ZC3H13: variants seen among roughly 807,000 people sequenced by gnomAD.
ZC3H13 encodes the protein zinc finger CCCH domain-containing protein 13.
Under a neutral mutation model 204.1 loss-of-function variants are expected in ZC3H13, and 64 were observed. The ratio of observed to expected loss-of-function variants is 0.31; its 90% CI spans 0.26 to 0.39. The LOEUF (loss-of-function observed/expected upper bound fraction) is 0.39, where lower values mean the gene tolerates loss of function less well. Among genes scored for constraint, ZC3H13 ranks in the 10% least tolerant of loss-of-function variants. The pLI is 1.00. For synonymous variants in ZC3H13, 667 were observed against 693.7 expected, an observed-to-expected ratio of 0.96 and a Z score of 0.60; for missense variants, 1,833 against 2,082.7, an observed-to-expected ratio of 0.88 and a Z score of 2.33.
intron 17 of ZC3H13, among the ~76,000 whole-genome samples, chr13:45,961,678 T>A (rs576063055): frequency 6.6e-6 from 1 of 152,020 alleles, no homozygotes; most frequent in South Asian, 2.1e-4. Flanking sequence ...CACCCTGTTG[T>A]AGAAACTGTT....
At chr13:45,986,702 C>T (rs1954227741) in intron 9 of ZC3H13, among the ~76,000 whole-genome samples, 1 of 152,142 alleles carries the variant, frequency 6.6e-6, no homozygotes, top group Admixed American at 6.6e-5. Context: ...AAATTCTGCC[C>T]TTTTTATCAG....
Position 46,042,276 on chromosome 13 carries a change from CT to C in ZC3H13, c.228-2del. Reference sequence around the variant, plus strand: ...ATCCCCTGTAGGTCTTTCTGGTGACCTTTGAACCAAAACACAGAAACAAAAC... The same window carrying C: ...ATCCCCTGTAGGTCTTTCTGGTGACCTTGAACCAAAACACAGAAACAAAAC... On this transcript the variant is annotated splice_acceptor_variant, in intron 3 of 18. Transcript: ENST00000679008. LOFTEE classifies it high-confidence loss of function. The C allele has an allele frequency of 6.2e-7, 1 of 1,606,890 alleles. No homozygotes were observed.
In ZC3H13 at chr13:45,969,012, C is replaced by T; in HGVS notation, c.3532G>A (p.Ala1178Thr). ...VETPHVTIED[A>T]QHRKPMDQKR... ...TGATCCATAGGCTTGCGATGCTGTG[C>T]ATCTTCTATAGTCACGTGAGGCGTC... is the stretch of plus-strand genomic sequence containing the variant. Residue 1178 changes from alanine to threonine, a missense_variant, in exon 14 of 19, where the codon GCA becomes ACA. Ala to Thr is a moderately conservative substitution (Grantham distance 58). Around this residue, in one of 5 missense-constraint regions of ZC3H13, gnomAD observed 1,574 missense variants for 1,757.2 expected, o/e 0.90. Coordinates refer to ENST00000679008, the MANE Select transcript of ZC3H13 (RefSeq NM_001330564.2). 1.9e-6 allele frequency: 3 copies of T among 1,614,206 alleles called. No individual in the cohort carries two copies. Among genetic ancestry groups the T allele is most frequent in the Middle Eastern group, 1.7e-4 (1 of 6,060 alleles).
rs1952493941 is a variant in ZC3H13 at position 45,970,454 on chromosome 13, C to T, written c.2480G>A (p.Arg827Lys). 1 of 1,612,468 alleles carries T rather than the reference C, an allele frequency of 6.2e-7. No homozygotes were observed. Among genetic ancestry groups the T allele is most frequent in the Non-Finnish European group, 8.5e-7 (1 of 1,179,260 alleles). ...TCTAGGGCTGGGACTCCCTTCATTT[C>T]TATAGCGCTTCCTAAATTGGACAAG... ...HDERKSKKRY[R>K]NEGSPSPRQS... Residue 827 changes from arginine to lysine, a missense_variant, in exon 13 of 19, where the codon AGA becomes AAA. By Grantham distance (26) the Arg-to-Lys change is conservative (BLOSUM62 2). Around this residue, in one of 5 missense-constraint regions of ZC3H13, gnomAD observed 1,574 missense variants for 1,757.2 expected, o/e 0.90. Coordinates refer to ENST00000679008, the MANE Select transcript of ZC3H13 (RefSeq NM_001330564.2).
At chr13:45,999,738 T>G (rs1217326025) in intron 8 of ZC3H13, among the ~76,000 whole-genome samples, 1 of 152,228 alleles carries the variant, frequency 6.6e-6, no homozygotes, top group East Asian at 1.9e-4. Flanking sequence ...CAGTAAATCC[T>G]TTCCATAAAG....
At position 45,967,965 on chromosome 13, in the gene ZC3H13, T is replaced by A; in HGVS notation, c.3860A>T (p.His1287Leu). The part of the protein sequence containing the change: ...RSSPESDRQV[H>L]SRSGSFDSRD... ...GCTATCAAATGACCCAGATCTTGAA[T>A]GGACCTGTCGATCTGACTCTGGAGA... Residue 1287 changes from histidine to leucine, a missense_variant, in exon 15 of 19, where the codon CAT becomes CTT. By Grantham distance (99) the His-to-Leu change is moderately conservative (BLOSUM62 -3). Around this residue, in one of 5 missense-constraint regions of ZC3H13, gnomAD observed 1,574 missense variants for 1,757.2 expected, o/e 0.90. Coordinates refer to ENST00000679008, the MANE Select transcript of ZC3H13 (RefSeq NM_001330564.2). The A allele has an allele frequency of 6.2e-7, 1 of 1,613,898 alleles. No individual in the cohort carries two copies. The highest frequency in any genetic ancestry group is 8.5e-7 in the Non-Finnish European group (1 of 1,179,896).
chr13:45,975,431 G>T lies in ZC3H13; in HGVS notation c.2320C>A (p.Arg774=). Residue 774 remains arginine (R), a synonymous_variant, in exon 12 of 19, where the codon CGA becomes AGA. Coordinates refer to ENST00000679008, the MANE Select transcript of ZC3H13 (RefSeq NM_001330564.2). Reference sequence around the variant, plus strand: ...TTATCCCTTTCTCTCGCTCTTTCTCGTTCCCGTTCTCGCTCTCGCTCTCTC... The same window carrying T: ...TTATCCCTTTCTCTCGCTCTTTCTCTTTCCCGTTCTCGCTCTCGCTCTCTC... The part of the protein sequence containing the change: ...RERERERERE[R]ERARERDKER... 6.2e-7 allele frequency: 1 copy of T among 1,612,802 alleles called. No homozygotes were observed. Among genetic ancestry groups the T allele is most frequent in the Non-Finnish European group, 8.5e-7 (1 of 1,179,716 alleles).
intron 5 of ZC3H13, among the ~76,000 whole-genome samples, chr13:46,018,444 A>G (rs544195594): frequency 6.6e-6 from 1 of 152,138 alleles, no homozygotes; most frequent in South Asian, 2.1e-4. Context: ...GATATAGAAG[A>G]GAGTGTATCA....
At chr13:45,966,002 C>A (rs1414518611) in intron 15 of ZC3H13, among the ~76,000 whole-genome samples, 5 of 152,106 alleles carry the variant, frequency 3.3e-5, no homozygotes, top group Non-Finnish European at 7.4e-5. Flanking sequence ...CAATGATCTT[C>A]TTGCATTGAT....
chr13:46,049,584 C>T (rs1054462907), intron 1 of ZC3H13, among the ~76,000 whole-genome samples: 1 of 152,172 alleles, frequency 6.6e-6, no homozygotes, highest in Non-Finnish European at 1.5e-5. Context: ...AATATACACA[C>T]TATCTACAAT....
In ZC3H13 at chr13:46,010,477, A is replaced by G; in HGVS notation, c.617T>C (p.Leu206Ser). ...CTTTCTTAGAGAAGGTGACGGGGAC[A>G]ATTTTGATCTAACCACTTCTGGTGA... ...EVSPEVVRSKLSPSPSLRKSS... is the reference protein window; with the variant it reads ...EVSPEVVRSKSSPSPSLRKSS... The change falls in exon 7 of 19, where the codon TTG (leucine) becomes TCG (serine). Residue 206 changes from leucine (L) to serine (S), a missense_variant. Physicochemically the swap from Leu to Ser is moderately radical, Grantham distance 145. Around this residue, in one of 5 missense-constraint regions of ZC3H13, gnomAD observed 1,574 missense variants for 1,757.2 expected, o/e 0.90. Coordinates refer to ENST00000679008, the MANE Select transcript of ZC3H13 (RefSeq NM_001330564.2). 6 of 1,613,588 alleles carry G rather than the reference A, an allele frequency of 3.7e-6. 1 individual carries two copies. Among genetic ancestry groups the G allele is most frequent in the Non-Finnish European group, 5.1e-6 (6 of 1,179,634 alleles).
chr13:46,013,048 AAAG>A (rs1358010686), intron 5 of ZC3H13, among the ~76,000 whole-genome samples: 1 of 152,200 alleles, frequency 6.6e-6, no homozygotes, highest in Non-Finnish European at 1.5e-5. Context: ...CACATAAAAG[AAAG>A]AAGAAGCTGG....
intron 11 of ZC3H13, 113 bp downstream of exon 11, chr13:45,979,700 G>T: frequency 1.9e-6 from 2 of 1,064,996 alleles, no homozygotes; most frequent in Non-Finnish European, 1.3e-6. Flanking sequence ...ATGTGTCATC[G>T]AGCACAAGCC....
intron 10 of ZC3H13, among the ~76,000 whole-genome samples, chr13:45,984,981 T>C (rs967018606): frequency 2.6e-5 from 4 of 152,198 alleles, no homozygotes; most frequent in Admixed American, 6.5e-5. Flanking sequence ...ATCATATTTA[T>C]ACCTATTTAA....
chr13:46,006,717 T>C lies in ZC3H13; in HGVS notation c.747-3381A>G, dbSNP rs2138583798. On this transcript the variant is annotated intron_variant, in intron 7 of 18. Coordinates refer to ENST00000679008, the MANE Select transcript of ZC3H13 (RefSeq NM_001330564.2). Reference sequence around the variant, plus strand: ...CAAGTCCCAAGAGTTCTTAGCCATATATATATATGAGATAGTATCTACCTC... The same window carrying C: ...CAAGTCCCAAGAGTTCTTAGCCATACATATATATGAGATAGTATCTACCTC... 3.0e-5 allele frequency among the ~76,000 whole-genome samples: 4 copies of C among 132,806 alleles called. 2 individuals are homozygous for C. The South Asian group carries it at 9.4e-4, about 31-fold the overall frequency. The allele number at this position is 132,806 out of a possible 152,430, so 87.1% of individuals were successfully genotyped here. A position where few individuals can be genotyped will look rare whatever the true frequency, so the allele number is the denominator to read the frequency against.
chr13:46,014,736 A>G (rs941607348), intron 5 of ZC3H13, among the ~76,000 whole-genome samples: 1 of 152,164 alleles, frequency 6.6e-6, no homozygotes, highest in Admixed American at 6.5e-5. Context: ...TTTCCCTTAT[A>G]TTCCTCCTAC....
Position 45,964,060 on chromosome 13 carries a change from G to A in ZC3H13, c.4475-18C>T, listed in dbSNP as rs747310555. ...TAAGGGATCTGTAAAAAGTTAAAAA[G>A]TAAGATTTGTTTTACACCAAGAAAT... On this transcript the variant is annotated intron_variant, in intron 16 of 18. Transcript: ENST00000679008. The A allele has an allele frequency of 6.3e-7, 1 of 1,599,914 alleles. No individual in the cohort carries two copies. The highest frequency in any genetic ancestry group is 1.7e-5 in the Admixed American group (1 of 57,300).
At chr13:46,012,398 T>C (rs1217406958) in intron 5 of ZC3H13, among the ~76,000 whole-genome samples, 1 of 152,168 alleles carries the variant, frequency 6.6e-6, no homozygotes, top group African/African-American at 2.4e-5. Context: ...CTGAGGTGCC[T>C]TCTCAAGATA....
chr13:45,984,607 C>T (rs534498767), intron 10 of ZC3H13, among the ~76,000 whole-genome samples: 1 of 151,914 alleles, frequency 6.6e-6, no homozygotes. Flanking sequence ...GCTAAAGGAC[C>T]CTCAACACAA....
Sources: allele counts gnomAD v4.1 joint callset (sites outside exome capture counted in the v4.1 genomes callset), GRCh38; gene constraint gnomAD v4.1.1; regional missense constraint gnomAD v4.1.1; transcripts MANE v1.5; gene names NCBI Gene and HGNC (gene_info 2026-07-23, HGNC 2026-07-21).